Variants in TBCCD1 observed in about 807,000 individuals in gnomAD.
The protein encoded by TBCCD1 is TBCC domain containing 1.
In TBCCD1, 26 loss-of-function variants were observed where a neutral mutation model predicts 53.4. The ratio of observed to expected loss-of-function variants is 0.49; its 90% CI spans 0.36 to 0.68. TBCCD1 has a LOEUF of 0.68. Among genes scored for constraint, TBCCD1 ranks in the 30% least tolerant of loss-of-function variants. The probability of loss-of-function intolerance (pLI) is 0.00; values close to 1 mark genes in which losing one functional copy is unlikely to be tolerated. For synonymous variants in TBCCD1, 245 were observed against 241.7 expected (o/e 1.01, Z -0.13); for missense variants, 558 against 669.5 (o/e 0.83, Z 1.84).
At chr3:186,555,416 T>C (rs1184419653) in intron 4 of TBCCD1, among the ~76,000 whole-genome samples, 1 of 152,336 alleles carries the variant, frequency 6.6e-6, no homozygotes, top group African/African-American at 2.4e-5. Flanking sequence ...GGCAAAGCTG[T>C]CCTAACTCAA....
At chr3:186,557,847 C>T (rs1238036747) in intron 3 of TBCCD1, among the ~76,000 whole-genome samples, 1 of 152,072 alleles carries the variant, frequency 6.6e-6, no homozygotes, top group Non-Finnish European at 1.5e-5. Flanking sequence ...TTGTACATGG[C>T]ATTAATACTG....
At chr3:186,566,413 C>T (rs1234383155) in intron 1 of TBCCD1, among the ~76,000 whole-genome samples, 3 of 152,182 alleles carry the variant, frequency 2.0e-5, no homozygotes, top group African/African-American at 4.8e-5. Context: ...TTACTATGTA[C>T]CAGGTATCAT....
At chr3:186,555,745 G>C (rs572234057) in intron 4 of TBCCD1, among the ~76,000 whole-genome samples, 3 of 152,144 alleles carry the variant, frequency 2.0e-5, no homozygotes, top group South Asian at 2.1e-4. Flanking sequence ...TTTTAGTAGA[G>C]CTGAGGTTTC....
upstream of TBCCD1, among the ~76,000 whole-genome samples, chr3:186,568,640 C>T (rs57991790): frequency 0.27 from 41,196 of 151,936 alleles, 7,116 homozygotes; most frequent in African/African-American, 0.49. Flanking sequence ...GTGGCTCATG[C>T]CTATAATCCC....
chr3:186,557,466 T>A, intron 3 of TBCCD1, among the ~76,000 whole-genome samples: 1 of 152,202 alleles, frequency 6.6e-6, no homozygotes, highest in East Asian at 1.9e-4. Flanking sequence ...CTCTCATACA[T>A]CTGGGCTTGA....
upstream of TBCCD1, chr3:186,567,701 G>T (rs1714881611): frequency 2.0e-5 from 3 of 152,270 alleles, no homozygotes; most frequent in South Asian, 6.2e-4. Flanking sequence ...AACTTTATGT[G>T]TATTTCCTAA....
intron 1 of TBCCD1, among the ~76,000 whole-genome samples, chr3:186,566,008 T>G (rs537711047): frequency 1.8e-4 from 27 of 152,310 alleles, no homozygotes; most frequent in Non-Finnish European, 2.1e-4. Context: ...TTATTATATT[T>G]TGCATTTGAT....
chr3:186,560,142 A>G (rs73057420), intron 2 of TBCCD1, among the ~76,000 whole-genome samples: 21,481 of 135,358 alleles, frequency 0.16, 1,816 homozygotes, highest in African/African-American at 0.27. Flanking sequence ...TGGAGACTAT[A>G]GGATCCTTGC....
In TBCCD1 at chr3:186,563,855, G is replaced by A. The variant is rs1321542874; in HGVS notation, c.336+139C>T. On this transcript the variant is annotated intron_variant, in intron 2 of 7. Transcript: ENST00000338733. ...GAGGCAGGAAGACTGCTTGAAGCCGGGAGTTCAAGACCAGCCTGGGCAACA... is the reference window on the plus strand; with the variant it reads ...GAGGCAGGAAGACTGCTTGAAGCCGAGAGTTCAAGACCAGCCTGGGCAACA... The A allele has an allele frequency of 3.0e-6, 3 of 1,002,092 alleles. No homozygotes were observed. The African/African-American group carries it at 4.9e-5, about 16-fold the overall frequency. The allele number at this position is 1,002,092 out of a possible 1,614,324, so 62.1% of individuals were successfully genotyped here.
In TBCCD1 at chr3:186,556,704, A is replaced by G; in HGVS notation, c.564T>C (p.Asp188=). ...GAAATGATGCAGTGAGTTGTTTTGGATCTAAAAGCAGCTCGAGGAGATCAG... is the reference window on the plus strand; with the variant it reads ...GAAATGATGCAGTGAGTTGTTTTGGGTCTAAAAGCAGCTCGAGGAGATCAG... ...HLSDLLELLL[D]PKQLTASFHS... is the part of the protein sequence containing the mutation. Residue 188 remains aspartate (D), a synonymous_variant, in exon 4 of 8, where the codon GAT becomes GAC. Transcript: ENST00000338733. 6.2e-7 allele frequency: 1 copy of G among 1,614,216 alleles called. No homozygotes were observed. The highest frequency in any genetic ancestry group is 8.5e-7 in the Non-Finnish European group (1 of 1,180,042).
intron 6 of TBCCD1, chr3:186,553,474 C>T (rs1714435331): frequency 1.3e-5 from 2 of 152,114 alleles, no homozygotes; most frequent in Admixed American, 1.3e-4. Flanking sequence ...ATTTAAGAAC[C>T]TCTGGTTACT....
chr3:186,560,471 G>A (rs997760031), intron 2 of TBCCD1, among the ~76,000 whole-genome samples: 4 of 152,154 alleles, frequency 2.6e-5, no homozygotes, highest in Non-Finnish European at 5.9e-5. Context: ...TTCCTTTGGA[G>A]TTAGATATGG....
intron 2 of TBCCD1, 122 bp downstream of exon 2, chr3:186,563,872 T>G (rs1169407232): frequency 6.5e-6 from 8 of 1,227,194 alleles, no homozygotes; most frequent in Non-Finnish European, 8.8e-6. Context: ...AAGACCAGCC[T>G]GGGCAACAAA....
chr3:186,562,110 G>C (rs1448374714), intron 2 of TBCCD1, among the ~76,000 whole-genome samples: 1 of 152,174 alleles, frequency 6.6e-6, no homozygotes, highest in Admixed American at 6.5e-5. Context: ...GGGAGGCTGA[G>C]GTGGGAGGAT....
chr3:186,556,876 C>T (rs530895038), intron 3 of TBCCD1, 101 bp from the exon 4 acceptor site: 407 of 1,386,868 alleles, frequency 2.9e-4, no homozygotes, highest in Non-Finnish European at 3.7e-4. Flanking sequence ...GCCTCATCCC[C>T]CAAAAGGAAT....
intron 6 of TBCCD1, among the ~76,000 whole-genome samples, chr3:186,551,778 C>G (rs1052446211): frequency 6.6e-6 from 1 of 152,200 alleles, no homozygotes; most frequent in Non-Finnish European, 1.5e-5. Flanking sequence ...AGTTCAAGAC[C>G]AGCCTGGCTA....
chr3:186,561,880 T>C (rs1714700929), intron 2 of TBCCD1, among the ~76,000 whole-genome samples: 1 of 152,196 alleles, frequency 6.6e-6, no homozygotes, highest in Non-Finnish European at 1.5e-5. Context: ...TGGGTATTTA[T>C]CCAAAGGAAT....
intron 3 of TBCCD1, 119 bp from the exon 4 acceptor site, chr3:186,556,894 T>C (rs763537453): frequency 1.6e-6 from 2 of 1,275,808 alleles, no homozygotes; most frequent in Non-Finnish European, 2.1e-6. Context: ...AATTAGGTAG[T>C]TATATAAACC....
chr3:186,550,759 A>G lies in TBCCD1; in HGVS notation c.*21+370T>C, dbSNP rs541528171. ...CTAATATGTGTAATTAGCAAAGATC[A>G]GCTAATTTGTAAATTGGTTTTTGTG... On this transcript the variant is annotated intron_variant, in intron 7 of 7. Coordinates refer to ENST00000338733, the MANE Select transcript of TBCCD1 (RefSeq NM_018138.5). 2.0e-5 allele frequency among the ~76,000 whole-genome samples: 3 copies of G among 152,362 alleles called. No homozygotes were observed. In the East Asian group the frequency reaches 5.8e-4, roughly 29 times the overall value.
Sources: allele counts gnomAD v4.1 joint callset (sites outside exome capture counted in the v4.1 genomes callset), GRCh38; gene constraint gnomAD v4.1.1; transcripts MANE v1.5; gene names NCBI Gene and HGNC (gene_info 2026-07-23, HGNC 2026-07-21).